Variants in NEU3 observed in about 807,000 individuals in gnomAD.
The protein encoded by NEU3 is neuraminidase 3.
NEU3 carries 10 observed loss-of-function variants against 11.4 expected under a neutral mutation model. The observed-to-expected ratio is 0.88, with a 90% CI of 0.54 to 1.49. NEU3 has a LOEUF of 1.49. Ranked by LOEUF, NEU3 falls within the 40% of genes most tolerant of loss-of-function variation. The probability of loss-of-function intolerance (pLI) is 0.00; values close to 1 mark genes in which losing one functional copy is unlikely to be tolerated. For missense variants in NEU3, 529 were observed against 581.8 expected (o/e 0.91, Z 0.93); for synonymous variants, 212 against 228.2 (o/e 0.93, Z 0.64).
At chr11:74,987,886 CTTTTTTTTTTTCTTT>C (rs1948684768), upstream of NEU3, among the ~76,000 whole-genome samples, 1 of 83,258 alleles carries the variant, frequency 1.2e-5, no homozygotes, top group African/African-American at 5.6e-5. Flanking sequence ...GGTTCTAGGC[CTTTTTTTTTTTCTTT>C]TTTTTTTTTT....
chr11:75,007,749 G>A lies in NEU3; in HGVS notation c.*1257G>A, dbSNP rs528897416. The A allele has an allele frequency of 8.5e-4, 129 of 152,284 alleles. No individual in the cohort carries two copies. The highest frequency in any genetic ancestry group is 2.7e-3 in the African/African-American group (112 of 41,552). 9.4% of individuals were successfully genotyped at this position (152,284 alleles called of 1,614,324 possible). On this transcript the variant is annotated 3_prime_UTR_variant, in exon 3 of 3. Transcript: ENST00000294064. ...TGCTGAGTCTCTCAGATGATACCAC[G>A]TTGGTTGTTCCTATCTTAGATTGTT...
downstream of NEU3, among the ~76,000 whole-genome samples, chr11:75,019,762 T>C (rs1565501239): frequency 6.6e-6 from 1 of 152,168 alleles, no homozygotes; most frequent in Non-Finnish European, 1.5e-5. Context: ...CATGGAGAAC[T>C]TCTGCTAGGG....
At chr11:75,019,638 C>T (rs1007016926), downstream of NEU3, among the ~76,000 whole-genome samples, 1 of 152,222 alleles carries the variant, frequency 6.6e-6, no homozygotes, top group Non-Finnish European at 1.5e-5. Context: ...GGTGTTGAGC[C>T]TCCCAGTGCA....
downstream of NEU3, among the ~76,000 whole-genome samples, chr11:75,011,505 A>C (rs1277688255): frequency 6.6e-6 from 1 of 152,212 alleles, no homozygotes; most frequent in African/African-American, 2.4e-5. Flanking sequence ...CAATCCCAGC[A>C]CTTTTGGAAA....
chr11:75,004,206 A>G, intron 2 of NEU3: 1 of 580,234 alleles, frequency 1.7e-6, no homozygotes. Flanking sequence ...GTTTCTTCAC[A>G]TTTGCCAACA....
At chr11:74,985,460 A>AT (rs1162134078), upstream of NEU3, among the ~76,000 whole-genome samples, 1 of 152,098 alleles carries the variant, frequency 6.6e-6, no homozygotes, top group Admixed American at 6.5e-5. Flanking sequence ...ATATATGGTT[A>AT]TTTTTTAATT....
chr11:74,983,794 G>A (rs949652048), upstream of NEU3, among the ~76,000 whole-genome samples: 6 of 152,194 alleles, frequency 3.9e-5, no homozygotes, highest in African/African-American at 1.4e-4. Flanking sequence ...ATTGGAGTCA[G>A]TGCAATCACT....
downstream of NEU3, among the ~76,000 whole-genome samples, chr11:75,013,622 TG>T (rs1276100597): frequency 6.6e-6 from 1 of 152,126 alleles, no homozygotes; most frequent in East Asian, 1.9e-4. Context: ...CCCAAGTAGT[TG>T]GGAAGGGACT....
At chr11:74,988,784 T>A (rs1405220260), upstream of NEU3, 1 of 447,582 alleles carries the variant, frequency 2.2e-6, no homozygotes, top group African/African-American at 2.7e-5. Flanking sequence ...TCCCACGCCG[T>A]GGTGGGGACC....
At chr11:75,014,479 C>T (rs1948972870), downstream of NEU3, among the ~76,000 whole-genome samples, 1 of 152,178 alleles carries the variant, frequency 6.6e-6, no homozygotes. Context: ...ATCCCTAATC[C>T]TCACAACAGC....
Position 75,005,603 on chromosome 11 carries a change from A to T in NEU3, c.497A>T (p.Asp166Val). The part of the protein sequence containing the change: ...AARLCFIYSQ[D>V]AGCSWSEVRD... Reference sequence around the variant, plus strand: ...CGCCTTTGCTTCATCTACAGTCAGGATGCTGGATGTTCATGGAGTGAGGTG... The same window carrying T: ...CGCCTTTGCTTCATCTACAGTCAGGTTGCTGGATGTTCATGGAGTGAGGTG... The change falls in exon 3 of 3, where the codon GAT becomes GTT. Residue 166 changes from aspartate to valine, a missense_variant. By Grantham distance (152) the Asp-to-Val change is radical (BLOSUM62 -3). Transcript: ENST00000294064. The T allele has an allele frequency of 6.2e-7, 1 of 1,614,012 alleles. No homozygotes were observed. The highest frequency in any genetic ancestry group is 1.3e-5 in the African/African-American group (1 of 75,042).
chr11:75,009,673 A>G lies in NEU3; in HGVS notation c.*3181A>G, dbSNP rs572832460. On this transcript the variant is annotated 3_prime_UTR_variant, in exon 3 of 3. Coordinates refer to ENST00000294064, the MANE Select transcript of NEU3 (RefSeq NM_006656.6). ...CCCCTTCCTGTCCCTTGGACTCAGA[A>G]TGGATCCTTCCAGCACACATGGCCC... The G allele has an allele frequency of 6.6e-6, 1 of 152,422 alleles. No homozygotes were observed. Among genetic ancestry groups the G allele is most frequent in the South Asian group, 2.1e-4 (1 of 4,828 alleles). The allele number at this position is 152,422 out of a possible 1,614,324, so 9.4% of individuals were successfully genotyped here.
downstream of NEU3, among the ~76,000 whole-genome samples, chr11:75,011,125 T>C (rs1162780413): frequency 6.6e-6 from 1 of 152,250 alleles, no homozygotes; most frequent in African/African-American, 2.4e-5. Context: ...TTACAATGCC[T>C]GCTTACGGAA....
At chr11:74,993,202 G>GT (rs1446345083) in intron 1 of NEU3, among the ~76,000 whole-genome samples, 1 of 151,884 alleles carries the variant, frequency 6.6e-6, no homozygotes, top group South Asian at 2.1e-4. Flanking sequence ...CGTTGTTGGT[G>GT]TTTTTTTGTT....
rs572639453 is a variant in NEU3, at chr11:75,006,040, T to G, written c.934T>G (p.Cys312Gly). ...ACAGCTCTGTGAGCCCCCACATGGT[T>G]GCCAAGGGAGTGTGGTAAGTTTCCG... ...SRQLCEPPHG[C>G]QGSVVSFRPL... Residue 312 changes from cysteine to glycine, a missense_variant, in exon 3 of 3, where the codon TGC (cysteine) becomes GGC (glycine). Physicochemically the swap from Cys to Gly is radical, Grantham distance 159. Transcript: ENST00000294064. 6.2e-7 allele frequency: 1 copy of G among 1,613,960 alleles called. No homozygotes were observed. The highest frequency in any genetic ancestry group is 2.2e-5 in the East Asian group (1 of 44,878).
At chr11:74,983,937 T>C (rs1346439226), upstream of NEU3, among the ~76,000 whole-genome samples, 1 of 152,216 alleles carries the variant, frequency 6.6e-6, no homozygotes, top group Non-Finnish European at 1.5e-5. Flanking sequence ...TCCTACCTTG[T>C]TGGATACAGG....
rs975240408 is a variant in NEU3, at chr11:75,009,487, G to A, written c.*2995G>A. 3 of 152,234 alleles carry A rather than the reference G, an allele frequency of 2.0e-5. No homozygotes were observed. Among genetic ancestry groups the A allele is most frequent in the Admixed American group, 2.0e-4 (3 of 15,280 alleles). 9.4% of individuals were successfully genotyped at this position (152,234 alleles called of 1,614,324 possible). A position where few individuals can be genotyped will look rare whatever the true frequency, so the allele number is the denominator to read the frequency against. On this transcript the variant is annotated 3_prime_UTR_variant, in exon 3 of 3. Coordinates refer to ENST00000294064, the MANE Select transcript of NEU3 (RefSeq NM_006656.6). ...CCCTGGGACCTATTCCATGATAGTG[G>A]TACCCTAACTGAACCCATTTCAGCC...
At chr11:75,012,882 A>T (rs1471420552), downstream of NEU3, among the ~76,000 whole-genome samples, 5 of 152,228 alleles carry the variant, frequency 3.3e-5, no homozygotes, top group African/African-American at 1.2e-4. Flanking sequence ...GGCAGCGTAC[A>T]CATCTTAAGT....
intron 3 of NEU3, among the ~76,000 whole-genome samples, chr11:75,016,757 A>G (rs949194171): frequency 6.6e-6 from 1 of 152,194 alleles, no homozygotes; most frequent in African/African-American, 2.4e-5. Context: ...CCTAAGGATG[A>G]TCCCCAGCAG....
Sources: allele counts gnomAD v4.1 joint callset (sites outside exome capture counted in the v4.1 genomes callset), GRCh38; gene constraint gnomAD v4.1.1; transcripts MANE v1.5; gene names NCBI Gene and HGNC (gene_info 2026-07-23, HGNC 2026-07-21).